Variants in RANBP2 observed in about 807,000 individuals in gnomAD.
RANBP2 encodes the protein E3 SUMO-protein ligase RanBP2.
A neutral mutation model predicts 303.6 loss-of-function variants in RANBP2; 57 were observed. The ratio of observed to expected loss-of-function variants is 0.19; its 90% CI spans 0.15 to 0.23. The LOEUF (loss-of-function observed/expected upper bound fraction) is 0.23, where lower values mean the gene tolerates loss of function less well. Among genes scored for constraint, RANBP2 ranks in the 10% least tolerant of loss-of-function variants. The pLI is 1.00. For synonymous variants in RANBP2, 1,167 were observed against 1,301.5 expected, an observed-to-expected ratio of 0.90 and a Z score of 2.23; for missense variants, 3,138 against 3,780.8, an observed-to-expected ratio of 0.83 and a Z score of 4.46.
At chr2:109,423,759 G>A in the RANBP2 span, among the ~76,000 whole-genome samples, 1 of 152,138 alleles carries the variant, frequency 6.6e-6, no homozygotes, top group Admixed American at 6.5e-5. Context: ...CAGGCATGGC[G>A]GCACCGTCCT....
At chr2:109,585,258 T>C in the RANBP2 span, 12 of 1,613,232 alleles carry the variant, frequency 7.4e-6, no homozygotes, top group African/African-American at 1.3e-5. Flanking sequence ...TGAGGATTCA[T>C]AGTCTTCAAA....
At chr2:109,073,678 A>C in the RANBP2 span, among the ~76,000 whole-genome samples, 1 of 150,424 alleles carries the variant, frequency 6.6e-6, no homozygotes, top group African/African-American at 2.4e-5. Context: ...CAAAAGAAAA[A>C]AAAAGAGAGA....
chr2:108,989,784 T>C, the RANBP2 span, among the ~76,000 whole-genome samples: 1 of 150,916 alleles, frequency 6.6e-6, no homozygotes, highest in Admixed American at 6.7e-5. Context: ...CCTTTCAGTA[T>C]TGGGCAATTA....
chr2:108,727,296 A>G (rs1007795664), intron 1 of RANBP2, among the ~76,000 whole-genome samples: 1 of 152,220 alleles, frequency 6.6e-6, no homozygotes, highest in African/African-American at 2.4e-5. Context: ...GATCTATGGT[A>G]AGAACAAATC....
the RANBP2 span, among the ~76,000 whole-genome samples, chr2:109,694,577 G>A: frequency 6.6e-6 from 1 of 151,968 alleles, no homozygotes; most frequent in African/African-American, 2.4e-5. Context: ...TGTGGTCCCA[G>A]GCTTTTCAAA....
At chr2:108,881,330 C>T in the RANBP2 span, among the ~76,000 whole-genome samples, 1 of 152,188 alleles carries the variant, frequency 6.6e-6, no homozygotes, top group East Asian at 1.9e-4. Context: ...CTTCCTCAGC[C>T]TTCATAGAAT....
the RANBP2 span, among the ~76,000 whole-genome samples, chr2:109,328,959 G>A: frequency 2.0e-5 from 3 of 152,146 alleles, no homozygotes; most frequent in South Asian, 6.2e-4. Context: ...GACAAGCTTG[G>A]CCACGTCCTT....
chr2:108,850,617 A>G, the RANBP2 span, among the ~76,000 whole-genome samples: 1 of 151,836 alleles, frequency 6.6e-6, no homozygotes, highest in African/African-American at 2.4e-5. Context: ...ACACCCTGCT[A>G]ATTTTTTCTA....
the RANBP2 span, among the ~76,000 whole-genome samples, chr2:108,880,201 A>C: frequency 6.7e-4 from 58 of 86,042 alleles, no homozygotes; most frequent in African/African-American, 1.8e-3. Flanking sequence ...TAAAAAAAAA[A>C]AACAACAACA....
chr2:109,104,560 T>C, the RANBP2 span, among the ~76,000 whole-genome samples: 1 of 151,792 alleles, frequency 6.6e-6, no homozygotes, highest in Admixed American at 6.6e-5. Flanking sequence ...CTCGGCTCAC[T>C]GCAAGCTCCG....
chr2:108,724,662 C>T (rs1052294626), intron 1 of RANBP2, among the ~76,000 whole-genome samples: 1 of 151,914 alleles, frequency 6.6e-6, no homozygotes, highest in Non-Finnish European at 1.5e-5. Context: ...TGACGTTTAC[C>T]TGAAAGCTGG....
At chr2:109,569,850 A>T in the RANBP2 span, among the ~76,000 whole-genome samples, 1 of 152,186 alleles carries the variant, frequency 6.6e-6, no homozygotes, top group African/African-American at 2.4e-5. Context: ...CAATGGCGTA[A>T]GAGAAGATAA....
At chr2:108,926,434 G>C in the RANBP2 span, among the ~76,000 whole-genome samples, 1 of 152,174 alleles carries the variant, frequency 6.6e-6, no homozygotes, top group Non-Finnish European at 1.5e-5. Flanking sequence ...TTTTCCCAGA[G>C]AGTTCCTTTC....
At chr2:109,286,093 A>G in the RANBP2 span, among the ~76,000 whole-genome samples, 4 of 152,164 alleles carry the variant, frequency 2.6e-5, no homozygotes, top group African/African-American at 4.8e-5. Context: ...CTATCATTAC[A>G]TGGCAGTAGG....
chr2:109,250,412 T>A, the RANBP2 span, among the ~76,000 whole-genome samples: 859 of 152,154 alleles, frequency 5.6e-3, 10 homozygotes, highest in African/African-American at 0.02. Flanking sequence ...TACAACTTCG[T>A]TTCTTCATGA....
At chr2:109,112,891 A>T in the RANBP2 span, among the ~76,000 whole-genome samples, 6 of 152,176 alleles carry the variant, frequency 3.9e-5, no homozygotes, top group African/African-American at 1.4e-4. Context: ...TAAATAGGGA[A>T]TCCTTTCCCC....
the RANBP2 span, among the ~76,000 whole-genome samples, chr2:109,211,676 G>A: frequency 6.9e-6 from 1 of 144,628 alleles, no homozygotes; most frequent in African/African-American, 2.6e-5. Flanking sequence ...ATGGAGTCTC[G>A]CTCTGTCACC....
chr2:109,049,700 G>A, the RANBP2 span, among the ~76,000 whole-genome samples: 1 of 152,104 alleles, frequency 6.6e-6, no homozygotes, highest in Non-Finnish European at 1.5e-5. Flanking sequence ...CATTATCCAG[G>A]CCCTCACTTT....
chr2:109,322,489 A>C, the RANBP2 span, among the ~76,000 whole-genome samples: 1 of 152,242 alleles, frequency 6.6e-6, no homozygotes, highest in Admixed American at 6.5e-5. Context: ...CATCTTAAGG[A>C]AGCTGAAATT....
Sources: gnomAD v4.1 joint callset for allele counts (sites outside exome capture counted in the v4.1 genomes callset) on GRCh38, gnomAD v4.1.1 for gene constraint, MANE v1.5 for transcripts, NCBI Gene and HGNC (gene_info 2026-07-23, HGNC 2026-07-21) for gene names.